AHSA1: variants seen among roughly 807,000 people sequenced by gnomAD.
AHSA1 encodes the protein activator of 90 kDa heat shock protein ATPase homolog 1.
In AHSA1, 14 loss-of-function variants were observed where a neutral mutation model predicts 46.1. That is an observed-to-expected ratio of 0.30 (90% CI 0.20 to 0.47). The LOEUF (loss-of-function observed/expected upper bound fraction) is 0.47, where lower values mean the gene tolerates loss of function less well. Among genes scored for constraint, AHSA1 ranks in the 20% least tolerant of loss-of-function variants. AHSA1 has a pLI of 0.99. For missense variants in AHSA1, 333 were observed against 415.9 expected (o/e 0.80, Z 1.73); for synonymous variants, 147 against 145.8 (o/e 1.01, Z -0.06).
In AHSA1 at chr14:77,459,786, G is replaced by T; in HGVS notation, c.251G>T (p.Ser84Ile). The T allele has an allele frequency of 1.2e-6, 2 of 1,614,202 alleles. No homozygotes were observed. Among genetic ancestry groups the T allele is most frequent in the Non-Finnish European group, 1.7e-6 (2 of 1,180,038 alleles). ...KGKLIFFYEWSVKLNWTGTSK... is the reference protein window; with the variant it reads ...KGKLIFFYEWIVKLNWTGTSK... ...AAACTTATCTTCTTTTATGAATGGA[G>T]CGTCAAACTAAACTGGACAGGTAAG... The change falls in exon 2 of 9, where the codon AGC (serine) becomes ATC (isoleucine). Residue 84 changes from serine (S) to isoleucine (I), a missense_variant. By Grantham distance (142) the Ser-to-Ile change is moderately radical (BLOSUM62 -2). Coordinates refer to ENST00000216479, the MANE Select transcript of AHSA1 (RefSeq NM_012111.3).
At chr14:77,468,736 T>TAAC in intron 8 of AHSA1, 1 of 497,566 alleles carries the variant, frequency 2.0e-6, no homozygotes, top group Non-Finnish European at 3.5e-6. Flanking sequence ...TTTTTTTTTT[T>TAAC]TTTTTTTTTA....
At chr14:77,467,224 C>A (rs962778225) in intron 6 of AHSA1, among the ~76,000 whole-genome samples, 39 of 152,090 alleles carry the variant, frequency 2.6e-4, no homozygotes, top group African/African-American at 8.4e-4. Context: ...CATGGTGAAG[C>A]CCTGTCTCTA....
chr14:77,462,518 A>T, intron 3 of AHSA1, 124 bp from the exon 4 acceptor site: 3 of 921,886 alleles, frequency 3.3e-6, no homozygotes, highest in Non-Finnish European at 5.3e-6. Flanking sequence ...GGATTGTACG[A>T]ATACCGCAGT....
Sources: allele counts gnomAD v4.1 joint callset (sites outside exome capture counted in the v4.1 genomes callset), GRCh38; gene constraint gnomAD v4.1.1; transcripts MANE v1.5; gene names NCBI Gene and HGNC (gene_info 2026-07-23, HGNC 2026-07-21).